EPHA3: variants seen among roughly 807,000 people sequenced by gnomAD.
The protein encoded by EPHA3 is ephrin type-A receptor 3.
Under a neutral mutation model 107.1 loss-of-function variants are expected in EPHA3, and 42 were observed. The ratio of observed to expected loss-of-function variants is 0.39; its 90% CI spans 0.31 to 0.51. EPHA3 has a LOEUF of 0.51. EPHA3 is among the 20% of genes least tolerant of loss of function. The pLI, the probability that EPHA3 is intolerant of heterozygous loss-of-function variation, is 0.78. For synonymous variants in EPHA3, 461 were observed against 424.8 expected, an observed-to-expected ratio of 1.09 and a Z score of -1.05; for missense variants, 1,183 against 1,211.2, an observed-to-expected ratio of 0.98 and a Z score of 0.35.
intron 3 of EPHA3, among the ~76,000 whole-genome samples, chr3:89,307,909 T>C (rs1706665251): frequency 6.6e-6 from 1 of 152,178 alleles, no homozygotes; most frequent in South Asian, 2.1e-4. Context: ...AAGTTTGGTT[T>C]AATATGGTAA....
At chr3:89,302,659 T>C (rs762747028) in intron 3 of EPHA3, among the ~76,000 whole-genome samples, 13 of 152,170 alleles carry the variant, frequency 8.5e-5, no homozygotes, top group Non-Finnish European at 1.8e-4. Context: ...TTTTAAGATA[T>C]CTTTAAAAAA....
chr3:89,242,445 G>T (rs1174109514), intron 3 of EPHA3, among the ~76,000 whole-genome samples: 4 of 152,026 alleles, frequency 2.6e-5, no homozygotes, highest in Non-Finnish European at 5.9e-5. Context: ...TTGTTTGTTT[G>T]TTTGTTTTTT....
intron 4 of EPHA3, among the ~76,000 whole-genome samples, chr3:89,341,316 G>C (rs1246846684): frequency 1.3e-5 from 2 of 152,164 alleles, no homozygotes; most frequent in African/African-American, 4.8e-5. Flanking sequence ...AACATTTTCT[G>C]TGTCTTGTTT....
At chr3:89,127,068 T>TA in intron 1 of EPHA3, 141 bp from the exon 2 acceptor site, 1 of 639,578 alleles carries the variant, frequency 1.6e-6, no homozygotes. Flanking sequence ...TCCTTCTTTT[T>TA]ATCCTAATTA....
intron 2 of EPHA3, among the ~76,000 whole-genome samples, chr3:89,195,210 T>C (rs1191516936): frequency 6.6e-6 from 1 of 152,090 alleles, no homozygotes; most frequent in Non-Finnish European, 1.5e-5. Flanking sequence ...ATTAAACTTT[T>C]GCTCCTCTTC....
chr3:89,286,457 C>A (rs1182803663), intron 3 of EPHA3, among the ~76,000 whole-genome samples: 1 of 151,906 alleles, frequency 6.6e-6, no homozygotes, highest in Non-Finnish European at 1.5e-5. Flanking sequence ...GCAGGGAGAC[C>A]AATTAGGAAG....
At chr3:89,198,466 A>G (rs927060568) in intron 2 of EPHA3, among the ~76,000 whole-genome samples, 4 of 149,514 alleles carry the variant, frequency 2.7e-5, no homozygotes, top group African/African-American at 1.0e-4. Context: ...TCTACAGGTT[A>G]GACCCTTAAA....
At chr3:89,143,985 A>T (rs375996049) in intron 2 of EPHA3, among the ~76,000 whole-genome samples, 1 of 151,600 alleles carries the variant, frequency 6.6e-6, no homozygotes, top group Non-Finnish European at 1.5e-5. Context: ...GTTCACATAT[A>T]TTCCCCATTT....
intron 2 of EPHA3, among the ~76,000 whole-genome samples, chr3:89,208,431 A>G (rs146371611): frequency 0.28 from 4,959 of 17,858 alleles, 180 homozygotes; most frequent in Non-Finnish European, 0.3. Flanking sequence ...AGGAAGAAAG[A>G]AAGAAAGAAA....
intron 2 of EPHA3, among the ~76,000 whole-genome samples, chr3:89,202,202 T>C (rs1231054321): frequency 1.3e-5 from 2 of 151,988 alleles, no homozygotes; most frequent in African/African-American, 4.8e-5. Context: ...ATAAGAAAAA[T>C]CACATTTTGT....
chr3:89,270,726 A>AT (rs746602474), intron 3 of EPHA3, among the ~76,000 whole-genome samples: 12 of 148,392 alleles, frequency 8.1e-5, no homozygotes, highest in Non-Finnish European at 1.5e-4. Context: ...TCTGTATGTT[A>AT]TTTTTTCTTC....
chr3:89,223,650 A>G (rs1704434933), intron 3 of EPHA3, among the ~76,000 whole-genome samples: 1 of 152,194 alleles, frequency 6.6e-6, no homozygotes, highest in Non-Finnish European at 1.5e-5. Flanking sequence ...TAATTCCTAC[A>G]AAATAATTAA....
chr3:89,408,261 T>A, intron 9 of EPHA3, 130 bp downstream of exon 9: 2 of 791,532 alleles, frequency 2.5e-6, no homozygotes, highest in Non-Finnish European at 4.1e-6. Flanking sequence ...CTGAGTACAT[T>A]AAATTTATTT....
rs1704283815 is a variant in EPHA3, at chr3:89,135,088, T to C, written c.153+7815T>C. On this transcript the variant is annotated intron_variant, in intron 2 of 16. Coordinates refer to ENST00000336596, the MANE Select transcript of EPHA3 (RefSeq NM_005233.6). ...AGGCAGTTTAAACATAGTAATTTGG[T>C]ATGCAGTTTATTTATAATTTTTAGT... Among the ~76,000 whole-genome samples, 4 of 152,192 alleles carry C rather than the reference T, an allele frequency of 2.6e-5. No homozygotes were observed. The South Asian group carries it at 8.3e-4, about 31-fold the overall frequency.
At chr3:89,469,654 A>G (rs1338086492) in intron 15 of EPHA3, among the ~76,000 whole-genome samples, 1 of 152,200 alleles carries the variant, frequency 6.6e-6, no homozygotes, top group African/African-American at 2.4e-5. Context: ...AGATTTTCTC[A>G]TTTAGAACAG....
Position 89,191,284 on chromosome 3 carries a change from ATTTTTATTT to A in EPHA3, c.154-18571_154-18563del, listed in dbSNP as rs199704835. Among the ~76,000 whole-genome samples, 1,505 of 151,484 alleles carry A rather than the reference ATTTTTATTT, an allele frequency of 9.9e-3. 11 individuals carry two copies. The highest frequency in any genetic ancestry group is 0.027 in the East Asian group (141 of 5,156). ...TGTACCCAACTAGTATTATATTTTT[ATTTTTATTT>A]TTTTAATTTTTTTTATTTTTTTATT... On this transcript the variant is annotated intron_variant, in intron 2 of 16. Transcript: ENST00000336596.
intron 3 of EPHA3, among the ~76,000 whole-genome samples, chr3:89,212,433 C>T (rs1164334576): frequency 3.3e-5 from 5 of 151,928 alleles, no homozygotes; most frequent in Admixed American, 2.0e-4. Flanking sequence ...AAAACTGAGT[C>T]ATCTGGCATT....
intron 15 of EPHA3, among the ~76,000 whole-genome samples, chr3:89,452,485 A>G (rs1710013161): frequency 6.6e-6 from 1 of 152,100 alleles, no homozygotes. Context: ...CCTGTTGGCC[A>G]TTTGTCTTCC....
In EPHA3 at chr3:89,275,769, G is replaced by C. The variant is rs4857502; in HGVS notation, c.815-65147G>C. On this transcript the variant is annotated intron_variant, in intron 3 of 16. Transcript: ENST00000336596. ...TTTAAGTTTTCTGACTCTGTATCAC[G>C]GAAAAATCTTGGTTTATTTTATTCA... Among the ~76,000 whole-genome samples, 9 of 151,872 alleles carry C rather than the reference G, an allele frequency of 5.9e-5. No homozygotes were observed. The East Asian group carries it at 1.6e-3, about 26-fold the overall frequency.
Sources: gnomAD v4.1 joint callset for allele counts (sites outside exome capture counted in the v4.1 genomes callset) on GRCh38, gnomAD v4.1.1 for gene constraint, MANE v1.5 for transcripts, NCBI Gene and HGNC (gene_info 2026-07-23, HGNC 2026-07-21) for gene names.